TM4SF20: variants seen among roughly 807,000 people sequenced by gnomAD.
The protein encoded by TM4SF20 is transmembrane 4 L6 family member 20.
Under a neutral mutation model 15.1 loss-of-function variants are expected in TM4SF20, and 13 were observed. The observed-to-expected ratio is 0.86, with a 90% CI of 0.56 to 1.36. The LOEUF (loss-of-function observed/expected upper bound fraction) is 1.36, where lower values mean the gene tolerates loss of function less well. Among genes scored for constraint, TM4SF20 ranks in the 40% most tolerant of loss-of-function variants. TM4SF20 has a pLI of 0.00. For synonymous variants in TM4SF20, 92 were observed against 96.6 expected, an observed-to-expected ratio of 0.95 and a Z score of 0.28; for missense variants, 282 against 268.4, an observed-to-expected ratio of 1.05 and a Z score of -0.35.
upstream of TM4SF20, chr2:227,381,585 TTACCTTAGA>T (rs2076480010): frequency 6.6e-6 from 1 of 152,190 alleles, no homozygotes; most frequent in Admixed American, 6.5e-5. Flanking sequence ...TGGTAGTTAC[TTACCTTAGA>T]ATGTGGGTTG....
intron 1 of TM4SF20, among the ~76,000 whole-genome samples, chr2:227,373,880 G>A (rs2076433280): frequency 7.2e-6 from 1 of 139,198 alleles, no homozygotes; most frequent in Non-Finnish European, 1.5e-5. Flanking sequence ...AGTGAGCCGA[G>A]ATCGCGCCAC....
chr2:227,365,404 A>G (rs1228729373), intron 3 of TM4SF20, among the ~76,000 whole-genome samples: 1 of 152,190 alleles, frequency 6.6e-6, no homozygotes, highest in African/African-American at 2.4e-5. Flanking sequence ...TCCAGTTTTT[A>G]CAAATTGTGT....
intron 1 of TM4SF20, among the ~76,000 whole-genome samples, chr2:227,372,359 C>CGACTA (rs1167277367): frequency 6.6e-6 from 1 of 152,104 alleles, no homozygotes; most frequent in Non-Finnish European, 1.5e-5. Flanking sequence ...CAAAACTAGT[C>CGACTA]ATTTGGCTGG....
chr2:227,374,434 GGTGTGT>G (rs57830966), intron 1 of TM4SF20, among the ~76,000 whole-genome samples: 7 of 150,960 alleles, frequency 4.6e-5, no homozygotes, highest in Admixed American at 3.3e-4. Flanking sequence ...AACTGTGAAT[GGTGTGT>G]GTGTGTGTGT....
At chr2:227,366,956 T>G (rs2076396562) in intron 2 of TM4SF20, among the ~76,000 whole-genome samples, 1 of 152,080 alleles carries the variant, frequency 6.6e-6, no homozygotes, top group Admixed American at 6.6e-5. Flanking sequence ...ATGCTTTAAG[T>G]GAATTTGGCC....
chr2:227,379,900 T>G (rs1204899202), upstream of TM4SF20, among the ~76,000 whole-genome samples: 1 of 152,258 alleles, frequency 6.6e-6, no homozygotes, highest in Admixed American at 6.5e-5. Flanking sequence ...GAGATTATCA[T>G]ATTTTATTTA....
chr2:227,381,464 T>A (rs1314278749), upstream of TM4SF20: 4 of 151,864 alleles, frequency 2.6e-5, no homozygotes, highest in Non-Finnish European at 5.9e-5. Context: ...TTTATAAAAA[T>A]TAATAACTAA....
intron 1 of TM4SF20, among the ~76,000 whole-genome samples, chr2:227,371,817 GT>G (rs2076422641): frequency 6.6e-6 from 1 of 152,072 alleles, no homozygotes; most frequent in East Asian, 1.9e-4. Flanking sequence ...TTGGTTCCAC[GT>G]TCTCCTTTCT....
chr2:227,373,584 A>G (rs1207281972), intron 1 of TM4SF20, among the ~76,000 whole-genome samples: 3 of 152,174 alleles, frequency 2.0e-5, no homozygotes, highest in Non-Finnish European at 4.4e-5. Context: ...AGTCACATCC[A>G]TGTATTTACA....
chr2:227,378,380 A>C (rs1266056315), intron 1 of TM4SF20, among the ~76,000 whole-genome samples: 4 of 152,184 alleles, frequency 2.6e-5, no homozygotes, highest in African/African-American at 9.7e-5. Flanking sequence ...AAAATCCGTA[A>C]ATCTAACTAT....
intron 1 of TM4SF20, among the ~76,000 whole-genome samples, chr2:227,372,317 CCTT>C (rs1297683657): frequency 6.6e-6 from 1 of 152,106 alleles, no homozygotes; most frequent in Admixed American, 6.5e-5. Flanking sequence ...CTCAAATTGT[CCTT>C]CTACTTTCTT....
intron 1 of TM4SF20, among the ~76,000 whole-genome samples, chr2:227,373,913 G>A (rs529072041): frequency 8.3e-6 from 1 of 121,020 alleles, no homozygotes; most frequent in East Asian, 2.4e-4. Context: ...TGGTGACAGA[G>A]CGAGACTCCG....
chr2:227,365,067 C>T (rs1488355705), intron 3 of TM4SF20, among the ~76,000 whole-genome samples: 5 of 152,206 alleles, frequency 3.3e-5, no homozygotes, highest in African/African-American at 4.8e-5. Flanking sequence ...CGTGCCACCA[C>T]GCCTGGCTCA....
Position 227,363,052 on chromosome 2 carries a change from G to A in TM4SF20, c.*672C>T, listed in dbSNP as rs553070595. ...GGATTTGTCCTAGTGTTCCCTGCAA[G>A]CTGAGAATTAGATCTAAAGACTTGA... is the stretch of plus-strand genomic sequence containing the variant. On this transcript the variant is annotated 3_prime_UTR_variant, in exon 4 of 4. Coordinates refer to ENST00000304568, the MANE Select transcript of TM4SF20 (RefSeq NM_024795.4). 1 of 152,256 alleles carries A rather than the reference G, an allele frequency of 6.6e-6. No homozygotes were observed. The highest frequency in any genetic ancestry group is 2.4e-5 in the African/African-American group (1 of 41,554). 9.4% of individuals were successfully genotyped at this position (152,256 alleles called of 1,614,324 possible).
At chr2:227,377,313 A>G (rs1319567768) in intron 1 of TM4SF20, among the ~76,000 whole-genome samples, 2 of 152,226 alleles carry the variant, frequency 1.3e-5, no homozygotes, top group East Asian at 1.9e-4. Context: ...CTACTACTCA[A>G]GCAGAGAGAA....
At chr2:227,376,794 CAG>C (rs1438719366) in intron 1 of TM4SF20, among the ~76,000 whole-genome samples, 25 of 152,238 alleles carry the variant, frequency 1.6e-4, no homozygotes, top group Admixed American at 4.6e-4. Context: ...GGTGGAAAAA[CAG>C]AGTTTTGACG....
chr2:227,364,996 C>T (rs572342321), intron 3 of TM4SF20, among the ~76,000 whole-genome samples: 35 of 152,166 alleles, frequency 2.3e-4, no homozygotes, highest in African/African-American at 2.9e-4. Context: ...CTGCAACCTC[C>T]GCCTCCTGGG....
chr2:227,378,063 C>G (rs541795714), intron 1 of TM4SF20, among the ~76,000 whole-genome samples: 2 of 145,816 alleles, frequency 1.4e-5, no homozygotes, highest in Non-Finnish European at 3.0e-5. Context: ...ACAGCTTACT[C>G]TCTCTCTCTC....
intron 2 of TM4SF20, 42 bp downstream of exon 2, chr2:227,370,873 G>A (rs1464515728): frequency 6.4e-7 from 1 of 1,566,538 alleles, no homozygotes; most frequent in Non-Finnish European, 8.8e-7. Flanking sequence ...AGCAATAACT[G>A]TTCATGCACT....
Sources: allele counts gnomAD v4.1 joint callset (sites outside exome capture counted in the v4.1 genomes callset), GRCh38; gene constraint gnomAD v4.1.1; transcripts MANE v1.5; gene names NCBI Gene and HGNC (gene_info 2026-07-23, HGNC 2026-07-21).